The following PALLD variants were observed in gnomAD, a reference collection of about 807,000 sequenced individuals.
The protein encoded by PALLD is palladin, cytoskeletal associated protein.
A neutral mutation model predicts 123.5 loss-of-function variants in PALLD; 61 were observed. That is an observed-to-expected ratio of 0.49 (90% CI 0.40 to 0.61). The LOEUF is 0.61. Among genes scored for constraint, PALLD ranks in the 20% least tolerant of loss-of-function variants. The probability of loss-of-function intolerance (pLI) is 0.00; values close to 1 mark genes in which losing one functional copy is unlikely to be tolerated. For missense variants in PALLD, 1,273 were observed against 1,377.0 expected (o/e 0.92, Z 1.20); for synonymous variants, 465 against 496.4 (o/e 0.94, Z 0.84).
intron 2 of PALLD, among the ~76,000 whole-genome samples, chr4:168,603,038 G>T (rs962772667): frequency 6.6e-6 from 1 of 152,146 alleles, no homozygotes; most frequent in Non-Finnish European, 1.5e-5. Context: ...AAAGTGCTGG[G>T]ATTATAATGT....
chr4:168,740,519 G>A (rs769809556), intron 10 of PALLD, among the ~76,000 whole-genome samples: 5 of 152,086 alleles, frequency 3.3e-5, no homozygotes, highest in Non-Finnish European at 7.4e-5. Context: ...GGAATTGACA[G>A]ATACTAAGTT....
Position 168,780,181 on chromosome 4 carries a change from G to A in PALLD, c.1964+68258G>A, listed in dbSNP as rs76023026. Among the ~76,000 whole-genome samples the A allele has an allele frequency of 0.016, 2,405 of 152,292 alleles. 80 individuals carry two copies. In the East Asian group the frequency reaches 0.16, roughly 10 times the overall value. ...CCCAAAGTGCTGGGATTATAGGCGT[G>A]GGCCACCGCACCTGGTCTCACTACG... On this transcript the variant is annotated intron_variant, in intron 10 of 21. Transcript: ENST00000505667.
At chr4:168,901,766 G>T (rs777807974) in intron 14 of PALLD, among the ~76,000 whole-genome samples, 2 of 152,194 alleles carry the variant, frequency 1.3e-5, no homozygotes, top group Non-Finnish European at 2.9e-5. Flanking sequence ...GCTGAGGCAA[G>T]AGATTCACTT....
chr4:168,761,653 T>TTTTTG (rs1732909335), intron 10 of PALLD, among the ~76,000 whole-genome samples: 5 of 37,544 alleles, frequency 1.3e-4, no homozygotes, highest in Admixed American at 4.0e-4. Flanking sequence ...TTGTTTTTTT[T>TTTTTG]TTTTTTTTTT....
At chr4:168,751,958 A>G (rs920758637) in intron 10 of PALLD, among the ~76,000 whole-genome samples, 1 of 152,240 alleles carries the variant, frequency 6.6e-6, no homozygotes, top group Non-Finnish European at 1.5e-5. Context: ...TGAGAATTAC[A>G]CAGAACATGA....
chr4:168,576,806 C>T (rs1769658681), intron 2 of PALLD, among the ~76,000 whole-genome samples: 2 of 152,084 alleles, frequency 1.3e-5, no homozygotes, highest in African/African-American at 2.4e-5. Context: ...TGAGGAATTG[C>T]CACACTGACT....
chr4:168,512,977 A>T (rs1256002919), intron 2 of PALLD, among the ~76,000 whole-genome samples: 1 of 152,136 alleles, frequency 6.6e-6, no homozygotes, highest in Non-Finnish European at 1.5e-5. Context: ...TACCTGGGTG[A>T]CAAAATAATC....
At chr4:168,833,677 GAA>G (rs200410970) in intron 10 of PALLD, among the ~76,000 whole-genome samples, 2 of 152,000 alleles carry the variant, frequency 1.3e-5, no homozygotes, top group Admixed American at 6.5e-5. Context: ...GATAGCCAGA[GAA>G]TTGTCCAGGG....
At chr4:168,667,836 A>G (rs967426341) in intron 2 of PALLD, among the ~76,000 whole-genome samples, 2 of 152,200 alleles carry the variant, frequency 1.3e-5, no homozygotes, top group African/African-American at 4.8e-5. Context: ...TTCTTTAGAT[A>G]AGACTAATAG....
At chr4:168,804,337 AC>A (rs1353420457) in intron 10 of PALLD, among the ~76,000 whole-genome samples, 1 of 152,250 alleles carries the variant, frequency 6.6e-6, no homozygotes, top group Non-Finnish European at 1.5e-5. Flanking sequence ...TTTTTCACCT[AC>A]GTGGTGAGAG....
intron 2 of PALLD, among the ~76,000 whole-genome samples, chr4:168,523,212 G>A (rs1763720625): frequency 1.0e-5 from 1 of 97,652 alleles, no homozygotes; most frequent in South Asian, 3.6e-4. Flanking sequence ...TTGAGAACGA[G>A]AAGAAAGAGG....
intron 2 of PALLD, among the ~76,000 whole-genome samples, chr4:168,629,304 G>A (rs563169179): frequency 2.0e-5 from 3 of 152,130 alleles, no homozygotes; most frequent in East Asian, 3.9e-4. Flanking sequence ...GTGAGCCACC[G>A]TGCCCGGCCC....
chr4:168,568,127 T>G (rs1291436468), intron 2 of PALLD, among the ~76,000 whole-genome samples: 3 of 152,066 alleles, frequency 2.0e-5, no homozygotes, highest in Non-Finnish European at 4.4e-5. Flanking sequence ...TTTGGTTTTA[T>G]GAATATATTA....
intron 10 of PALLD, among the ~76,000 whole-genome samples, chr4:168,768,283 C>T (rs1025790109): frequency 1.3e-5 from 2 of 152,168 alleles, no homozygotes; most frequent in South Asian, 4.1e-4. Context: ...GTCTATTGTC[C>T]AAACTGTAGC....
intron 2 of PALLD, among the ~76,000 whole-genome samples, chr4:168,538,304 T>A (rs1765280099): frequency 6.6e-6 from 1 of 152,140 alleles, no homozygotes; most frequent in Admixed American, 6.5e-5. Context: ...TGGAATCTAA[T>A]AAAATGTTTT....
chr4:168,907,117 G>GGAT (rs1470068081), intron 15 of PALLD, among the ~76,000 whole-genome samples: 1 of 151,240 alleles, frequency 6.6e-6, no homozygotes, highest in South Asian at 2.1e-4. Flanking sequence ...CGTAAAATGA[G>GGAT]GATGATAATA....
chr4:168,761,657 T>TGTTTTTG (rs1561493904), intron 10 of PALLD, among the ~76,000 whole-genome samples: 4 of 41,324 alleles, frequency 9.7e-5, no homozygotes, highest in African/African-American at 2.8e-4. Context: ...TTTTTTTTTT[T>TGTTTTTG]TTTTTTTTTT....
intron 2 of PALLD, among the ~76,000 whole-genome samples, chr4:168,592,015 T>C (rs532493170): frequency 2.2e-5 from 3 of 136,876 alleles, no homozygotes; most frequent in East Asian, 4.2e-4. Context: ...AGTACTATTA[T>C]GGATTTTTTT....
chr4:168,560,893 A>T (rs982327151), intron 2 of PALLD, among the ~76,000 whole-genome samples: 1 of 152,216 alleles, frequency 6.6e-6, no homozygotes, highest in Admixed American at 6.5e-5. Context: ...TAAAGTGCAT[A>T]CATACACACA....
Sources: gnomAD v4.1 joint callset for allele counts (sites outside exome capture counted in the v4.1 genomes callset) on GRCh38, gnomAD v4.1.1 for gene constraint, MANE v1.5 for transcripts, NCBI Gene and HGNC (gene_info 2026-07-23, HGNC 2026-07-21) for gene names.